RNF150: variants seen among roughly 807,000 people sequenced by gnomAD.
RNF150 encodes the protein ring finger protein 150.
In RNF150, 24 loss-of-function variants were observed where a neutral mutation model predicts 39.3. The observed-to-expected ratio is 0.61, with a 90% CI of 0.44 to 0.86. The LOEUF is 0.86. RNF150 is among the 40% of genes least tolerant of loss of function. The pLI is 0.00. For synonymous variants in RNF150, 255 were observed against 227.3 expected (o/e 1.12, Z -1.10); for missense variants, 502 against 587.8 (o/e 0.85, Z 1.51).
chr4:140,978,958 T>C (rs1733762859), intron 1 of RNF150, among the ~76,000 whole-genome samples: 1 of 152,156 alleles, frequency 6.6e-6, no homozygotes. Context: ...TTTCTGCTTA[T>C]ATATAAAATA....
intron 6 of RNF150, among the ~76,000 whole-genome samples, chr4:140,876,877 T>G (rs1240092425): frequency 6.6e-6 from 1 of 152,236 alleles, no homozygotes; most frequent in Non-Finnish European, 1.5e-5. Context: ...TCTAGAATTG[T>G]TCAGATATAA....
In RNF150 at chr4:140,942,782, C is replaced by T. The variant is rs553790476; in HGVS notation, c.890+4872G>A. ...ATTTTGGATTTGGATTTTTGGACTA[C>T]GTATACTAAACTAGTAATTTGTTTA... On this transcript the variant is annotated intron_variant, in intron 4 of 6. Coordinates refer to ENST00000515673, the MANE Select transcript of RNF150 (RefSeq NM_020724.2). Among the ~76,000 whole-genome samples the T allele has an allele frequency of 5.9e-5, 9 of 152,246 alleles. No individual in the cohort carries two copies. The East Asian group carries it at 1.2e-3, about 20-fold the overall frequency.
In RNF150 at chr4:141,193,507, T is replaced by C. The variant is rs929291520; in HGVS notation, c.-6+19287A>G. On this transcript the variant is annotated intron_variant, in intron 1 of 7. Transcript: ENST00000420921. ...ACAGTTATTTGTGGAGCACTTATTATGTACCAGGCACTATTCTGGGCACTG... is the reference window on the plus strand; with the variant it reads ...ACAGTTATTTGTGGAGCACTTATTACGTACCAGGCACTATTCTGGGCACTG... Among the ~76,000 whole-genome samples, 3 of 152,250 alleles carry C rather than the reference T, an allele frequency of 2.0e-5. 1 individual carries two copies.
At position 140,888,940 on chromosome 4, in the gene RNF150, C is replaced by T. The variant is rs993198385; in HGVS notation, c.1199-20561G>A. On this transcript the variant is annotated intron_variant, in intron 6 of 6. Transcript: ENST00000515673. ...ATTAACCCATCCCATTCACTTCATA[C>T]GAAGGAGATAGATAAGAAACCCAGC... Among the ~76,000 whole-genome samples the T allele has an allele frequency of 4.6e-5, 7 of 152,062 alleles. No individual in the cohort carries two copies. In the South Asian group the frequency reaches 8.3e-4, roughly 18 times the overall value.
At chr4:140,873,804 T>G (rs996708090) in intron 6 of RNF150, among the ~76,000 whole-genome samples, 5 of 152,164 alleles carry the variant, frequency 3.3e-5, no homozygotes, top group African/African-American at 1.2e-4. Context: ...GTCTCCCAAG[T>G]AGCTGGGACC....
intron 1 of RNF150, among the ~76,000 whole-genome samples, chr4:141,081,270 A>G (rs557598969): frequency 6.6e-6 from 1 of 152,324 alleles, no homozygotes; most frequent in African/African-American, 2.4e-5. Context: ...TCTGTTTCCC[A>G]TGCCTTCTCA....
At chr4:140,986,087 T>G (rs1734005768) in intron 1 of RNF150, among the ~76,000 whole-genome samples, 1 of 152,134 alleles carries the variant, frequency 6.6e-6, no homozygotes, top group South Asian at 2.1e-4. Context: ...TATAAAACTT[T>G]CTCAGGGAGT....
intron 1 of RNF150, among the ~76,000 whole-genome samples, chr4:141,031,164 T>A (rs1317359198): frequency 2.0e-5 from 3 of 151,794 alleles, no homozygotes; most frequent in African/African-American, 7.3e-5. Context: ...AGAAAAAGGA[T>A]AGTCTCTTCA....
intron 1 of RNF150, among the ~76,000 whole-genome samples, chr4:140,992,542 A>G (rs1560673501): frequency 6.6e-6 from 1 of 152,162 alleles, no homozygotes; most frequent in Non-Finnish European, 1.5e-5. Context: ...CACTGCTGTT[A>G]GCGGGAGAGA....
At chr4:140,994,345 C>T (rs747432371) in intron 1 of RNF150, among the ~76,000 whole-genome samples, 1 of 152,196 alleles carries the variant, frequency 6.6e-6, no homozygotes, top group Non-Finnish European at 1.5e-5. Context: ...AAGGGGTGCT[C>T]AAAGTCCCAG....
intron 1 of RNF150, among the ~76,000 whole-genome samples, chr4:141,015,582 G>A (rs146350569): frequency 0.015 from 2,214 of 152,168 alleles, 28 homozygotes; most frequent in Non-Finnish European, 0.024. Flanking sequence ...AAATGATGCT[G>A]ATTTTTGGGT....
chr4:141,179,693 A>C (rs754546785), intron 1 of RNF150, among the ~76,000 whole-genome samples: 2 of 152,190 alleles, frequency 1.3e-5, no homozygotes, highest in Non-Finnish European at 2.9e-5. Flanking sequence ...TAAGCAATAG[A>C]TATCAGCCCA....
At chr4:141,183,649 A>G (rs1727950504) in intron 1 of RNF150, among the ~76,000 whole-genome samples, 1 of 151,870 alleles carries the variant, frequency 6.6e-6, no homozygotes, top group Admixed American at 6.6e-5. Flanking sequence ...TGCATTAGGT[A>G]TTTCTCCTAA....
At chr4:141,140,069 G>A (rs1322902885) in intron 1 of RNF150, among the ~76,000 whole-genome samples, 1 of 152,180 alleles carries the variant, frequency 6.6e-6, no homozygotes, top group Non-Finnish European at 1.5e-5. Context: ...GGTACTTGCT[G>A]TACGGGCAAG....
At position 141,132,737 on chromosome 4, in the gene RNF150, C is replaced by A. The variant is rs1231951260; in HGVS notation, c.72G>T (p.Val24=). 3 of 1,610,568 alleles carry A rather than the reference C, an allele frequency of 1.9e-6. No homozygotes were observed. Among genetic ancestry groups the A allele is most frequent in the African/African-American group, 1.3e-5 (1 of 74,546 alleles). ...CGGTAAAGTCCAGGCAGAGCAGATG[C>A]ACGAAACAAAAGGAAAGCAGCCATG... ...LSTWLLSFCF[V]HLLCLDFTVA... Residue 24 remains valine (V), a synonymous_variant, in exon 1 of 7, where the codon GTG becomes GTT. Coordinates refer to ENST00000515673, the MANE Select transcript of RNF150 (RefSeq NM_020724.2). The surrounding 1 kb of genome is among the most constrained non-coding windows in gnomAD (Gnocchi z 4.9).
intron 1 of RNF150, among the ~76,000 whole-genome samples, chr4:141,150,945 T>G (rs1224456206): frequency 6.6e-6 from 1 of 151,782 alleles, no homozygotes; most frequent in Middle Eastern, 3.2e-3. Context: ...TTTGTTTTTT[T>G]GGGTCAGGAT....
chr4:141,085,282 G>A (rs1028089600), intron 1 of RNF150, among the ~76,000 whole-genome samples: 36 of 152,270 alleles, frequency 2.4e-4, no homozygotes, highest in African/African-American at 7.2e-4. Context: ...AACTGGCCCC[G>A]ATGATCAATT....
chr4:141,150,938 GT>G (rs138801285), intron 1 of RNF150, among the ~76,000 whole-genome samples: 7,827 of 151,928 alleles, frequency 0.052, 300 homozygotes, highest in Admixed American at 0.079. Flanking sequence ...TTTCTTCTTT[GT>G]TTTTTTGGGT....
chr4:141,058,870 G>A (rs1183769635), intron 1 of RNF150, among the ~76,000 whole-genome samples: 1 of 152,066 alleles, frequency 6.6e-6, no homozygotes, highest in Non-Finnish European at 1.5e-5. Flanking sequence ...CTTACATAAG[G>A]TCCCAGTGCA....
Sources: gnomAD v4.1 joint callset for allele counts (sites outside exome capture counted in the v4.1 genomes callset) on GRCh38, gnomAD v4.1.1 for gene constraint, Gnocchi (gnomAD v3.1) non-coding constraint, MANE v1.5 for transcripts, NCBI Gene and HGNC (gene_info 2026-07-23, HGNC 2026-07-21) for gene names.